The following CMPK1 variants were observed in gnomAD, a reference collection of about 807,000 sequenced individuals.
The protein encoded by CMPK1 is UMP-CMP kinase.
Under a neutral mutation model 25.7 loss-of-function variants are expected in CMPK1, and 10 were observed. The observed-to-expected ratio is 0.39, with a 90% CI of 0.24 to 0.66. The LOEUF is 0.66. Ranked by LOEUF, CMPK1 falls within the 30% of genes least tolerant of loss-of-function variation. The pLI, the probability that CMPK1 is intolerant of heterozygous loss-of-function variation, is 0.48. For missense variants in CMPK1, 199 were observed against 280.5 expected (o/e 0.71, Z 2.08); for synonymous variants, 106 against 101.5 (o/e 1.04, Z -0.27).
chr1:47,334,369 T>C (rs1646380381), intron 1 of CMPK1, among the ~76,000 whole-genome samples: 1 of 152,102 alleles, frequency 6.6e-6, no homozygotes, highest in African/African-American at 2.4e-5. Flanking sequence ...TTTTCTTACA[T>C]TTTGGGGACC....
rs1646376323 is a variant in CMPK1, at chr1:47,334,029, C to T, written c.84C>T (p.Cys28=). ...AGACCCGCCGGCCGATTCTCCTCTG[C>T]TCTCCACGTCTCATGAAGCCGCTGG... The part of the protein sequence containing the change: ...LLQTRRPILL[C]SPRLMKPLVV... The change falls in exon 1 of 6, where the codon TGC becomes TGT. Residue 28 remains cysteine (C), a synonymous_variant. Transcript: ENST00000371873. 2 of 1,554,874 alleles carry T rather than the reference C, an allele frequency of 1.3e-6. No individual in the cohort carries two copies. Among genetic ancestry groups the T allele is most frequent in the South Asian group, 1.2e-5 (1 of 84,402 alleles).
At chr1:47,362,394 C>A (rs1646609914) in intron 1 of CMPK1, among the ~76,000 whole-genome samples, 1 of 151,002 alleles carries the variant, frequency 6.6e-6, no homozygotes, top group Admixed American at 6.6e-5. Context: ...TCTTGAACTC[C>A]TGACCTCAGG....
intron 1 of CMPK1, among the ~76,000 whole-genome samples, chr1:47,347,250 C>T (rs879615759): frequency 4.0e-5 from 6 of 150,136 alleles, no homozygotes; most frequent in Admixed American, 3.3e-4. Context: ...CACTTTGTTG[C>T]CCAGGCTGGA....
intron 1 of CMPK1, chr1:47,358,304 C>A: frequency 1.7e-6 from 1 of 588,554 alleles, no homozygotes; most frequent in Non-Finnish European, 2.9e-6. Flanking sequence ...GTAGGGATGA[C>A]ATCTTGCTAT....
At chr1:47,354,041 T>C (rs11211520) in intron 1 of CMPK1, among the ~76,000 whole-genome samples, 26,976 of 152,002 alleles carry the variant, frequency 0.18, 3,042 homozygotes, top group East Asian at 0.54. Context: ...TAAAGATGTA[T>C]AGGTTGGGCA....
chr1:47,368,921 C>T (rs1390827881), intron 2 of CMPK1, among the ~76,000 whole-genome samples: 1 of 152,122 alleles, frequency 6.6e-6, no homozygotes, highest in Non-Finnish European at 1.5e-5. Flanking sequence ...CATAGTGAGA[C>T]CTCCTCTCAA....
intron 2 of CMPK1, among the ~76,000 whole-genome samples, chr1:47,368,950 CAAT>C (rs1485088033): frequency 1.3e-5 from 2 of 152,070 alleles, no homozygotes; most frequent in East Asian, 1.9e-4. Context: ...AAATAAACAA[CAAT>C]AATAATAAAA....
intron 5 of CMPK1, among the ~76,000 whole-genome samples, 200 bp from the exon 6 acceptor site, chr1:47,376,504 C>T (rs1196766097): frequency 2.6e-5 from 4 of 151,940 alleles, no homozygotes; most frequent in Non-Finnish European, 4.4e-5. Context: ...TTAGTAGAGA[C>T]GGGGTTTTGC....
At position 47,334,800 on chromosome 1, in the gene CMPK1, A is replaced by C. The variant is rs566935747; in HGVS notation, c.171+684A>C. Among the ~76,000 whole-genome samples the C allele has an allele frequency of 3.5e-4, 54 of 152,296 alleles. No homozygotes were observed. The South Asian group carries it at 0.011, about 32-fold the overall frequency. ...AGCTTCAACCTTTGGCCCTGCTGCC[A>C]ACTCACGCTCGGCCCTCGGTCACTT... On this transcript the variant is annotated intron_variant, in intron 1 of 5. Transcript: ENST00000371873.
chr1:47,338,183 T>C (rs1189791039), intron 1 of CMPK1, among the ~76,000 whole-genome samples: 1 of 152,122 alleles, frequency 6.6e-6, no homozygotes, highest in African/African-American at 2.4e-5. Context: ...AAGTACATAT[T>C]TGAGTCCTAG....
intron 1 of CMPK1, among the ~76,000 whole-genome samples, chr1:47,340,648 T>C (rs937619957): frequency 2.7e-5 from 4 of 150,912 alleles, no homozygotes; most frequent in Non-Finnish European, 4.4e-5. Context: ...GAATAATAAT[T>C]TTTTTTTTTT....
chr1:47,335,976 T>C (rs902990912), intron 1 of CMPK1, among the ~76,000 whole-genome samples: 1 of 152,092 alleles, frequency 6.6e-6, no homozygotes, highest in Non-Finnish European at 1.5e-5. Context: ...TTGGCCAGGC[T>C]GATCTCGAAC....
At position 47,358,949 on chromosome 1, in the gene CMPK1, G is replaced by T. The variant is rs569090602; in HGVS notation, c.172-9520G>T. ...CATTTTCAAGCAGTTGAATCTTTTG[G>T]GCCAACTTTCTTGCTTTTGAAATTC... On this transcript the variant is annotated intron_variant, in intron 1 of 5. Coordinates refer to ENST00000371873, the MANE Select transcript of CMPK1 (RefSeq NM_016308.3). The T allele has an allele frequency of 2.1e-5, 21 of 984,780 alleles. No individual in the cohort carries two copies. In the South Asian group the frequency reaches 9.4e-4, roughly 44 times the overall value. 61.0% of individuals were successfully genotyped at this position (984,780 alleles called of 1,614,324 possible). A position where few individuals can be genotyped will look rare whatever the true frequency, so the allele number is the denominator to read the frequency against.
intron 1 of CMPK1, among the ~76,000 whole-genome samples, chr1:47,342,742 C>T (rs151298565): frequency 0.045 from 6,814 of 149,808 alleles, 498 homozygotes; most frequent in African/African-American, 0.16. Context: ...TTCTGCCTCC[C>T]GGGTTCAAGA....
intron 2 of CMPK1, among the ~76,000 whole-genome samples, chr1:47,369,854 C>T (rs1646664734): frequency 6.9e-6 from 1 of 144,638 alleles, no homozygotes; most frequent in South Asian, 2.2e-4. Flanking sequence ...GCCACCGTGC[C>T]CGGCCCCCAA....
chr1:47,352,569 G>C (rs1363068374), intron 1 of CMPK1, among the ~76,000 whole-genome samples: 1 of 152,106 alleles, frequency 6.6e-6, no homozygotes, highest in Admixed American at 6.6e-5. Flanking sequence ...ACCAGTTCAA[G>C]GGCATAATTG....
chr1:47,345,597 C>T (rs1156553159), intron 1 of CMPK1, among the ~76,000 whole-genome samples: 2 of 149,088 alleles, frequency 1.3e-5, no homozygotes, highest in African/African-American at 2.5e-5. Flanking sequence ...GGGTTCACAC[C>T]GTTCTCCTGC....
Position 47,358,133 on chromosome 1 carries a change from A to G in CMPK1, c.172-10336A>G, listed in dbSNP as rs557230794. Among the ~76,000 whole-genome samples the G allele has an allele frequency of 2.0e-3, 182 of 92,566 alleles. 1 individual carries two copies. Among genetic ancestry groups the G allele is most frequent in the Non-Finnish European group, 2.9e-3 (140 of 48,358 alleles). The allele number at this position is 92,566 out of a possible 152,430, so 60.7% of individuals were successfully genotyped here. A position where few individuals can be genotyped will look rare whatever the true frequency, so the allele number is the denominator to read the frequency against. On this transcript the variant is annotated intron_variant, in intron 1 of 5. Transcript: ENST00000371873. ...TTTTTTTTTTTTTTTTTTTTAAGGGACAGAGTCTCATTCTGTTTCCTAGGC... is the reference window on the plus strand; with the variant it reads ...TTTTTTTTTTTTTTTTTTTTAAGGGGCAGAGTCTCATTCTGTTTCCTAGGC...
chr1:47,370,022 C>T (rs1024355830), intron 2 of CMPK1, among the ~76,000 whole-genome samples: 11 of 119,540 alleles, frequency 9.2e-5, no homozygotes, highest in African/African-American at 1.3e-4. Context: ...TCACGCCATT[C>T]TCCTGTCTCA....
Sources: gnomAD v4.1 joint callset for allele counts (sites outside exome capture counted in the v4.1 genomes callset) on GRCh38, gnomAD v4.1.1 for gene constraint, MANE v1.5 for transcripts, NCBI Gene and HGNC (gene_info 2026-07-23, HGNC 2026-07-21) for gene names.